UBAC2: variants seen among roughly 807,000 people sequenced by gnomAD.
UBAC2 encodes the protein UBA domain containing 2.
In UBAC2, 26 loss-of-function variants were observed where a neutral mutation model predicts 44.0. The ratio of observed to expected loss-of-function variants is 0.59; its 90% confidence interval spans 0.43 to 0.82. UBAC2 has a LOEUF of 0.82. Among genes scored for constraint, UBAC2 ranks in the 40% least tolerant of loss-of-function variants. The probability of loss-of-function intolerance (pLI) is 0.00; values close to 1 mark genes in which losing one functional copy is unlikely to be tolerated. For missense variants in UBAC2, 329 were observed against 419.4 expected, an observed-to-expected ratio of 0.78 and a Z score of 1.88; for synonymous variants, 155 against 154.3, an observed-to-expected ratio of 1.00 and a Z score of -0.04.
chr13:99,303,019 T>TA (rs2044279530), intron 4 of UBAC2, among the ~76,000 whole-genome samples: 1 of 152,070 alleles, frequency 6.6e-6, no homozygotes, highest in Non-Finnish European at 1.5e-5. Flanking sequence ...CCCTGCCTCC[T>TA]GGGGGCTTGC....
At chr13:99,237,807 T>C (rs535346958) in intron 1 of UBAC2, among the ~76,000 whole-genome samples, 2 of 152,084 alleles carry the variant, frequency 1.3e-5, no homozygotes, top group African/African-American at 2.4e-5. Context: ...ATACAAAAAT[T>C]AGCCAGGCAT....
At chr13:99,373,073 A>G (rs1467385627) in intron 8 of UBAC2, among the ~76,000 whole-genome samples, 1 of 152,086 alleles carries the variant, frequency 6.6e-6, no homozygotes, top group African/African-American at 2.4e-5. Context: ...GTGAGCTGAG[A>G]TCACGCCACT....
chr13:99,378,983 G>A (rs982618849), intron 8 of UBAC2, among the ~76,000 whole-genome samples: 1 of 152,222 alleles, frequency 6.6e-6, no homozygotes, highest in African/African-American at 2.4e-5. Flanking sequence ...GAACAGAAAA[G>A]TTGTCAAGGT....
At chr13:99,257,968 G>T (rs1368435707) in intron 4 of UBAC2, among the ~76,000 whole-genome samples, 1 of 152,074 alleles carries the variant, frequency 6.6e-6, no homozygotes, top group Non-Finnish European at 1.5e-5. Flanking sequence ...TTTTAATAGA[G>T]ACGGGGTCTC....
At chr13:99,228,750 A>G (rs1248683811) in intron 1 of UBAC2, among the ~76,000 whole-genome samples, 1 of 152,160 alleles carries the variant, frequency 6.6e-6, no homozygotes, top group Non-Finnish European at 1.5e-5. Flanking sequence ...CTACTTTTGA[A>G]TTACGAGGCA....
rs1043387405 is a variant in UBAC2, at chr13:99,358,516, C to T, written c.808-9271C>T. Among the ~76,000 whole-genome samples the T allele has an allele frequency of 1.4e-4, 21 of 152,080 alleles. 1 individual carries two copies. Among genetic ancestry groups the T allele is most frequent in the Admixed American group, 1.1e-3 (17 of 15,264 alleles). ...GGGAAAACATGGTTATTTTTTATTTCAAAAATCTATATTTATGTTAGCAAG... is the reference window on the plus strand; with the variant it reads ...GGGAAAACATGGTTATTTTTTATTTTAAAAATCTATATTTATGTTAGCAAG... On this transcript the variant is annotated intron_variant, in intron 7 of 8. Transcript: ENST00000403766.
At chr13:99,230,471 CAATA>C (rs1211409123) in intron 1 of UBAC2, among the ~76,000 whole-genome samples, 2 of 151,694 alleles carry the variant, frequency 1.3e-5, no homozygotes, top group African/African-American at 4.8e-5. Flanking sequence ...TCTGTCTCCT[CAATA>C]AATAAATAAA....
intron 4 of UBAC2, among the ~76,000 whole-genome samples, chr13:99,251,746 GC>G (rs769834277): frequency 7.9e-5 from 12 of 152,078 alleles, no homozygotes; most frequent in Non-Finnish European, 1.0e-4. Context: ...TTCCAGCTCT[GC>G]CTCTTACTAG....
chr13:99,244,012 G>A (rs1327332782), intron 3 of UBAC2, 61 bp downstream of exon 3: 8 of 1,327,080 alleles, frequency 6.0e-6, no homozygotes, highest in East Asian at 2.6e-5. Context: ...TTGTTTAAAT[G>A]GATTTTATTT....
At chr13:99,357,044 A>G (rs1215078124) in intron 7 of UBAC2, among the ~76,000 whole-genome samples, 1 of 152,178 alleles carries the variant, frequency 6.6e-6, no homozygotes, top group South Asian at 2.1e-4. Flanking sequence ...CCACATAACA[A>G]TATGTTTTGG....
chr13:99,217,603 C>T (rs2043011708), intron 1 of UBAC2, among the ~76,000 whole-genome samples: 4 of 152,196 alleles, frequency 2.6e-5, no homozygotes, highest in Admixed American at 2.0e-4. Flanking sequence ...AGCTGTTACC[C>T]GCGCTCGCCC....
chr13:99,382,401 G>A lies in UBAC2; in HGVS notation c.928-2827G>A, dbSNP rs751413542. Among the ~76,000 whole-genome samples, 5 of 152,324 alleles carry A rather than the reference G, an allele frequency of 3.3e-5. No homozygotes were observed. In the South Asian group the frequency reaches 1.0e-3, roughly 32 times the overall value. Reference sequence around the variant, plus strand: ...AGGCCCAGCTTAACTGGCCACACCAGTGATGCAGCTCCTTACACAAGTGCA... The same window carrying A: ...AGGCCCAGCTTAACTGGCCACACCAATGATGCAGCTCCTTACACAAGTGCA... On this transcript the variant is annotated intron_variant, in intron 8 of 8. Coordinates refer to ENST00000403766, the MANE Select transcript of UBAC2 (RefSeq NM_001144072.2).
At chr13:99,320,993 A>G (rs1352071806) in intron 6 of UBAC2, among the ~76,000 whole-genome samples, 1 of 152,244 alleles carries the variant, frequency 6.6e-6, no homozygotes, top group Non-Finnish European at 1.5e-5. Flanking sequence ...AAATGCACAG[A>G]TAATTATAAT....
chr13:99,202,683 C>T (rs936258522), intron 1 of UBAC2, among the ~76,000 whole-genome samples: 1 of 152,110 alleles, frequency 6.6e-6, no homozygotes, highest in Non-Finnish European at 1.5e-5. Context: ...AAACTGTTGC[C>T]CAGGGAGAGG....
intron 4 of UBAC2, among the ~76,000 whole-genome samples, chr13:99,296,958 A>G (rs563069303): frequency 2.0e-5 from 3 of 152,258 alleles, no homozygotes; most frequent in African/African-American, 7.2e-5. Context: ...ATCACACTTT[A>G]TATTTTGTTT....
intron 4 of UBAC2, among the ~76,000 whole-genome samples, chr13:99,252,618 A>T (rs979086642): frequency 1.3e-5 from 2 of 152,228 alleles, no homozygotes; most frequent in African/African-American, 4.8e-5. Context: ...TTCCTGCCAC[A>T]CATCTGGCCT....
intron 8 of UBAC2, among the ~76,000 whole-genome samples, chr13:99,371,128 ATGTG>A (rs925472276): frequency 1.4e-4 from 22 of 151,984 alleles, no homozygotes; most frequent in Admixed American, 3.9e-4. Flanking sequence ...TGAAAGGAGT[ATGTG>A]TGTGATTGAA....
chr13:99,282,443 T>C (rs879447885), intron 4 of UBAC2, among the ~76,000 whole-genome samples: 3 of 152,246 alleles, frequency 2.0e-5, no homozygotes, highest in Non-Finnish European at 4.4e-5. Context: ...AACATCTGTT[T>C]TCATTTCTGC....
intron 7 of UBAC2, among the ~76,000 whole-genome samples, chr13:99,364,138 T>C (rs945193641): frequency 6.9e-6 from 1 of 145,394 alleles, no homozygotes; most frequent in East Asian, 2.0e-4. Flanking sequence ...GTGAGATTTT[T>C]GTTTGGGTTT....
Sources: allele counts gnomAD v4.1 joint callset (sites outside exome capture counted in the v4.1 genomes callset), GRCh38; gene constraint gnomAD v4.1.1; transcripts MANE v1.5; gene names NCBI Gene and HGNC (gene_info 2026-07-23, HGNC 2026-07-21).